PLEKHO2: variants seen among roughly 807,000 people sequenced by gnomAD.
PLEKHO2 encodes pleckstrin homology domain containing O2, also known as pleckstrin homology domain-containing family O member 2.
PLEKHO2 carries 20 observed loss-of-function variants against 32.7 expected under a neutral mutation model. The ratio of observed to expected loss-of-function variants is 0.61; its 90% CI spans 0.43 to 0.89. The LOEUF is 0.89. Among genes scored for constraint, PLEKHO2 ranks in the 40% least tolerant of loss-of-function variants. The pLI is 0.00. For missense variants in PLEKHO2, 568 were observed against 621.2 expected (o/e 0.91, Z 0.91); for synonymous variants, 247 against 246.3 (o/e 1.00, Z -0.03).
At chr15:64,846,566 G>A (rs1031486780) in intron 1 of PLEKHO2, among the ~76,000 whole-genome samples, 4 of 152,162 alleles carry the variant, frequency 2.6e-5, no homozygotes, top group Non-Finnish European at 4.4e-5. Context: ...TGCCCATCTC[G>A]GCCCAAAGTG....
In PLEKHO2 at chr15:64,866,502, CT is replaced by C; in HGVS notation, c.*615del. On this transcript the variant is annotated 3_prime_UTR_variant, in exon 6 of 6. Transcript: ENST00000323544. Reference sequence around the variant, plus strand: ...GGCCTCTTTGTGAGGAGGACATTAGCTGTGTGGCCTCTCTCTCTTTGGCCCT... The same window carrying C: ...GGCCTCTTTGTGAGGAGGACATTAGCGTGTGGCCTCTCTCTCTTTGGCCCT... 3 of 406,248 alleles carry C rather than the reference CT, an allele frequency of 7.4e-6. No individual in the cohort carries two copies. The highest frequency in any genetic ancestry group is 1.5e-5 in the Non-Finnish European group (3 of 201,444). 25.2% of individuals were successfully genotyped at this position (406,248 alleles called of 1,614,324 possible). A position where few individuals can be genotyped will look rare whatever the true frequency, so the allele number is the denominator to read the frequency against.
rs1274623530 is a variant in PLEKHO2 at position 64,866,629 on chromosome 15, A to T, written c.*741A>T. ...CTGGAGGATTCAAGAGTGGAAGAGG[A>T]ATTTAAGGGGTCCCCTAGTCTAGTC... On this transcript the variant is annotated 3_prime_UTR_variant, in exon 6 of 6. Transcript: ENST00000323544. 6.2e-6 allele frequency: 2 copies of T among 321,564 alleles called. No individual in the cohort carries two copies. The highest frequency in any genetic ancestry group is 4.3e-5 in the African/African-American group (2 of 46,052). The allele number at this position is 321,564 out of a possible 1,614,324, so 19.9% of individuals were successfully genotyped here.
chr15:64,865,477 G>A lies in PLEKHO2; in HGVS notation c.1062G>A (p.Lys354=), dbSNP rs757353755. 6.2e-6 allele frequency: 10 copies of A among 1,614,020 alleles called. No individual in the cohort carries two copies. The highest frequency in any genetic ancestry group is 1.6e-4 in the Middle Eastern group (1 of 6,062). ...NGMDDSPEPA[K]PSQAEGTPGT... is the part of the protein sequence containing the mutation. ...TGGATGACAGTCCTGAGCCTGCCAA[G>A]CCCTCTCAGGCTGAGGGCACCCCAG... is the stretch of plus-strand genomic sequence containing the variant. The change falls in exon 6 of 6, where the codon AAG becomes AAA. Residue 354 remains lysine, a synonymous_variant. Transcript: ENST00000323544.
At chr15:64,843,624 A>G (rs540417727) in intron 1 of PLEKHO2, among the ~76,000 whole-genome samples, 35 of 143,832 alleles carry the variant, frequency 2.4e-4, no homozygotes, top group African/African-American at 8.6e-4. Flanking sequence ...CTTGTTGCCC[A>G]GGCTGGAGTG....
intron 5 of PLEKHO2, among the ~76,000 whole-genome samples, chr15:64,861,927 GTGTC>G: frequency 6.6e-6 from 1 of 152,276 alleles, no homozygotes. Context: ...ATGCAAAGCT[GTGTC>G]TGATTTTTGT....
At position 64,865,166 on chromosome 15, in the gene PLEKHO2, C is replaced by A. The variant is rs2084672543; in HGVS notation, c.751C>A (p.Pro251Thr). 1.9e-6 allele frequency: 3 copies of A among 1,614,138 alleles called. No individual in the cohort carries two copies. Among genetic ancestry groups the A allele is most frequent in the African/African-American group, 1.3e-5 (1 of 75,030 alleles). ...TGAGAGCCAAGAGGACTCAGAGACC[C>A]CAGCAGAGGAGGACAGTGGCTCTGA... is the stretch of plus-strand genomic sequence containing the variant. ...SPESQEDSET[P>T]AEEDSGSEQP... The change falls in exon 6 of 6, where the codon CCA becomes ACA. Residue 251 changes from proline to threonine, a missense_variant. Physicochemically the swap from Pro to Thr is conservative, Grantham distance 38. Transcript: ENST00000323544.
intron 1 of PLEKHO2, among the ~76,000 whole-genome samples, 189 bp downstream of exon 1, chr15:64,842,217 C>T (rs914049478): frequency 2.0e-5 from 3 of 152,252 alleles, no homozygotes; most frequent in African/African-American, 7.2e-5. Context: ...CCGCGTCCTC[C>T]TTCATTCTCG....
At chr15:64,858,933 C>G (rs2084624122) in intron 3 of PLEKHO2, among the ~76,000 whole-genome samples, 2 of 152,178 alleles carry the variant, frequency 1.3e-5, no homozygotes, top group South Asian at 2.1e-4. Flanking sequence ...CCCATTGCCC[C>G]TCTCCCCAGC....
At chr15:64,854,367 G>C (rs1008122912) in intron 2 of PLEKHO2, among the ~76,000 whole-genome samples, 1 of 152,186 alleles carries the variant, frequency 6.6e-6, no homozygotes, top group Non-Finnish European at 1.5e-5. Flanking sequence ...ATGAGGTGCT[G>C]CTCTCCCAAG....
At chr15:64,850,876 G>T (rs2084562708) in intron 2 of PLEKHO2, among the ~76,000 whole-genome samples, 1 of 152,238 alleles carries the variant, frequency 6.6e-6, no homozygotes, top group African/African-American at 2.4e-5. Flanking sequence ...CCCATCCACT[G>T]AAAACAGGGT....
At chr15:64,847,008 A>G (rs2084527313) in intron 1 of PLEKHO2, among the ~76,000 whole-genome samples, 1 of 152,232 alleles carries the variant, frequency 6.6e-6, no homozygotes, top group Non-Finnish European at 1.5e-5. Flanking sequence ...TGGATTCCTT[A>G]CAACTTCTGC....
At chr15:64,862,796 C>A (rs1280431381) in intron 5 of PLEKHO2, among the ~76,000 whole-genome samples, 2 of 151,926 alleles carry the variant, frequency 1.3e-5, no homozygotes, top group Non-Finnish European at 2.9e-5. Flanking sequence ...TATTATTATA[C>A]TTTAAGTTTT....
intron 5 of PLEKHO2, among the ~76,000 whole-genome samples, chr15:64,862,926 T>C (rs920894317): frequency 1.4e-5 from 2 of 147,398 alleles, no homozygotes; most frequent in African/African-American, 5.0e-5. Context: ...ATCCCTCCCC[T>C]CTCCCCCCAC....
At chr15:64,857,278 C>A (rs541639412) in intron 3 of PLEKHO2, among the ~76,000 whole-genome samples, 1 of 152,344 alleles carries the variant, frequency 6.6e-6, no homozygotes, top group Non-Finnish European at 1.5e-5. Context: ...GTTCTCAGGG[C>A]AGGGACCTGT....
In PLEKHO2 at chr15:64,854,995, G is replaced by A. The variant is rs756645087; in HGVS notation, c.237G>A (p.Lys79=). 26 of 1,603,648 alleles carry A rather than the reference G, an allele frequency of 1.6e-5. No homozygotes were observed. Among genetic ancestry groups the A allele is most frequent in the Admixed American group, 3.4e-5 (2 of 58,182 alleles). ...GCCAGGACCTTCGTGCCCTCCTCAA[G>A]CGAAAACACCGCTTTATCCTGCTGC... ...EKCQDLRALL[K]RKHRFILLRS... The change falls in exon 3 of 6, where the codon AAG becomes AAA. Residue 79 remains lysine (K), a synonymous_variant. Transcript: ENST00000323544.
chr15:64,863,794 A>G (rs1011006959), intron 5 of PLEKHO2, among the ~76,000 whole-genome samples: 1 of 143,400 alleles, frequency 7.0e-6, no homozygotes, highest in African/African-American at 2.6e-5. Flanking sequence ...CCCAGGCTGG[A>G]GTGCAATGGC....
At chr15:64,842,136 C>A (rs2084488587) in intron 1 of PLEKHO2, 108 bp downstream of exon 1, 5 of 1,055,810 alleles carry the variant, frequency 4.7e-6, no homozygotes, top group South Asian at 4.8e-5. Flanking sequence ...TCCCGCCAGT[C>A]TCACCTCAGG....
At chr15:64,855,128 A>T in intron 3 of PLEKHO2, 91 bp downstream of exon 3, 1 of 1,003,460 alleles carries the variant, frequency 1.0e-6, no homozygotes, top group South Asian at 1.4e-5. Flanking sequence ...TGGCCCCTTG[A>T]AAAAGCCTGT....
chr15:64,858,974 C>G (rs1293606741), intron 3 of PLEKHO2, among the ~76,000 whole-genome samples: 1 of 152,210 alleles, frequency 6.6e-6, no homozygotes, highest in Non-Finnish European at 1.5e-5. Flanking sequence ...CTCTCTGTCT[C>G]TATGATTTTG....
Sources: allele counts gnomAD v4.1 joint callset (sites outside exome capture counted in the v4.1 genomes callset), GRCh38; gene constraint gnomAD v4.1.1; transcripts MANE v1.5; gene names NCBI Gene and HGNC (gene_info 2026-07-23, HGNC 2026-07-21).